PARP4: variants seen among roughly 807,000 people sequenced by gnomAD.
PARP4 encodes poly(ADP-ribose) polymerase family member 4.
PARP4 carries 120 observed loss-of-function variants against 187.7 expected under a neutral mutation model. The ratio of observed to expected loss-of-function variants is 0.64; its 90% CI spans 0.55 to 0.74. The LOEUF is 0.74. PARP4 is among the 30% of genes least tolerant of loss of function. The probability of loss-of-function intolerance (pLI) is 0.00; values close to 1 mark genes in which losing one functional copy is unlikely to be tolerated. For synonymous variants in PARP4, 654 were observed against 740.9 expected (o/e 0.88, Z 1.90); for missense variants, 1,836 against 2,070.5 (o/e 0.89, Z 2.20).
rs189229990 is a variant in PARP4 at position 24,468,260 on chromosome 13, G to A, written c.2133+764C>T. The stretch of plus-strand genomic sequence containing the variant: ...CTATTCCCTCTTCCACACTGTCCAC[G>A]TCACGTCCCTGCTAAAGCTAATCAC... On this transcript the variant is annotated intron_variant, in intron 17 of 33. Coordinates refer to ENST00000381989, the MANE Select transcript of PARP4 (RefSeq NM_006437.4). Among the ~76,000 whole-genome samples the A allele has an allele frequency of 1.9e-3, 285 of 152,250 alleles. 1 individual carries two copies. The highest frequency in any genetic ancestry group is 0.018 in the South Asian group (88 of 4,818).
At chr13:24,493,337 T>C (rs1868767487) in intron 8 of PARP4, among the ~76,000 whole-genome samples, 1 of 152,210 alleles carries the variant, frequency 6.6e-6, no homozygotes, top group African/African-American at 2.4e-5. Flanking sequence ...TCAGGCCTCC[T>C]AATTGGCCAG....
intron 27 of PARP4, among the ~76,000 whole-genome samples, chr13:24,444,527 C>T (rs1386049606): frequency 6.6e-6 from 1 of 152,124 alleles, no homozygotes; most frequent in East Asian, 1.9e-4. Context: ...AATGATTTAT[C>T]TGGTTATACT....
intron 11 of PARP4, among the ~76,000 whole-genome samples, chr13:24,485,805 A>G (rs1464836750): frequency 1.3e-5 from 2 of 152,252 alleles, no homozygotes; most frequent in East Asian, 3.8e-4. Context: ...TACAGTCTTC[A>G]AGAAGCAATT....
chr13:24,433,239 C>T (rs1870440130), intron 31 of PARP4, among the ~76,000 whole-genome samples: 1 of 152,140 alleles, frequency 6.6e-6, no homozygotes, highest in Non-Finnish European at 1.5e-5. Context: ...CTTAATGCAA[C>T]GTGTCCTTTT....
rs142749081 is a variant in PARP4, at chr13:24,486,307, T to C, written c.1215-2A>G. On this transcript the variant is annotated splice_acceptor_variant, in intron 10 of 33. Coordinates refer to ENST00000381989, the MANE Select transcript of PARP4 (RefSeq NM_006437.4). LOFTEE classifies it high-confidence loss of function. ...TGCAAGACATCCACTGGGCTCTTAC[T>C]GTAAGAATTAGAAGAAAAGCCTTTA... The C allele has an allele frequency of 7.9e-5, 124 of 1,568,036 alleles. No homozygotes were observed. The highest frequency in any genetic ancestry group is 1.0e-4 in the Non-Finnish European group (114 of 1,143,410).
At chr13:24,497,147 C>T (rs1351955068) in intron 6 of PARP4, among the ~76,000 whole-genome samples, 3 of 152,154 alleles carry the variant, frequency 2.0e-5, no homozygotes, top group Admixed American at 6.5e-5. Flanking sequence ...ATTTTTGTTT[C>T]ATGATTGTTT....
Position 24,442,575 on chromosome 13 carries a change from AC to A in PARP4, c.3543+14del. 1 of 1,317,172 alleles carries A rather than the reference AC, an allele frequency of 7.6e-7. No individual in the cohort carries two copies. The highest frequency in any genetic ancestry group is 1.1e-6 in the Non-Finnish European group (1 of 915,856). The allele number at this position is 1,317,172 out of a possible 1,614,324, so 81.6% of individuals were successfully genotyped here. A position where few individuals can be genotyped will look rare whatever the true frequency, so the allele number is the denominator to read the frequency against. ...AAATAAAATAATTTAACCTCGAATT[AC>A]CAATAATACATACCCTTTTCTCAAC... is the stretch of plus-strand genomic sequence containing the variant. On this transcript the variant is annotated intron_variant, in intron 29 of 33. Transcript: ENST00000381989.
Position 24,421,290 on chromosome 13 carries a change from T to C in PARP4, c.5004A>G (p.Ala1668=). The change falls in exon 34 of 34, where the codon GCA becomes GCG. Residue 1668 remains alanine, a synonymous_variant. Coordinates refer to ENST00000381989, the MANE Select transcript of PARP4 (RefSeq NM_006437.4). ...ISRNIPWAFE[A]IKQASEWVRR... ...TTACCCATTCACTTGCTTGCTTTATTGCCTCAAAAGCCCAGGGAATATTCC... is the reference window on the plus strand; with the variant it reads ...TTACCCATTCACTTGCTTGCTTTATCGCCTCAAAAGCCCAGGGAATATTCC... 2.3e-6 allele frequency: 3 copies of C among 1,317,658 alleles called. No homozygotes were observed. Among genetic ancestry groups the C allele is most frequent in the Non-Finnish European group, 3.1e-6 (3 of 981,956 alleles). 81.6% of individuals were successfully genotyped at this position (1,317,658 alleles called of 1,614,324 possible). A position where few individuals can be genotyped will look rare whatever the true frequency, so the allele number is the denominator to read the frequency against.
intron 12 of PARP4, among the ~76,000 whole-genome samples, chr13:24,483,916 T>C (rs1296606146): frequency 6.6e-6 from 1 of 152,190 alleles, no homozygotes; most frequent in Non-Finnish European, 1.5e-5. Context: ...CATGAGCTAC[T>C]GCGCCTGGCC....
intron 12 of PARP4, among the ~76,000 whole-genome samples, chr13:24,478,738 T>C (rs1873114061): frequency 6.6e-6 from 1 of 152,172 alleles, no homozygotes; most frequent in Non-Finnish European, 1.5e-5. Context: ...CTGGCCTATT[T>C]CGCATTTCTA....
intron 3 of PARP4, among the ~76,000 whole-genome samples, chr13:24,500,843 A>G (rs1287565562): frequency 3.3e-5 from 5 of 152,234 alleles, no homozygotes; most frequent in Admixed American, 3.3e-4. Flanking sequence ...GATATACAGG[A>G]ATAACTCAAT....
intron 18 of PARP4, among the ~76,000 whole-genome samples, 165 bp downstream of exon 18, chr13:24,459,807 C>A (rs1037755746): frequency 6.6e-5 from 10 of 152,116 alleles, no homozygotes; most frequent in African/African-American, 2.4e-4. Flanking sequence ...TTATTCTTTT[C>A]ATTTTATACA....
chr13:24,438,453 G>A (rs746161645), intron 30 of PARP4, among the ~76,000 whole-genome samples: 12 of 152,218 alleles, frequency 7.9e-5, no homozygotes, highest in South Asian at 2.1e-4. Flanking sequence ...AAGGAACAGC[G>A]TGGGCTCTGG....
At chr13:24,429,615 A>G (rs1383097646) in intron 32 of PARP4, among the ~76,000 whole-genome samples, 2 of 152,180 alleles carry the variant, frequency 1.3e-5, no homozygotes, top group African/African-American at 4.8e-5. Flanking sequence ...AGATATTTAT[A>G]AAGTCTCTCT....
intron 33 of PARP4, among the ~76,000 whole-genome samples, chr13:24,422,334 G>T (rs1869788955): frequency 6.6e-6 from 1 of 152,182 alleles, no homozygotes; most frequent in African/African-American, 2.4e-5. Context: ...AAATCATGAT[G>T]AACATACTAA....
chr13:24,439,963 G>T (rs1870834499), intron 30 of PARP4, among the ~76,000 whole-genome samples: 1 of 152,208 alleles, frequency 6.6e-6, no homozygotes, highest in Non-Finnish European at 1.5e-5. Context: ...CTGCCTGTGG[G>T]TGAGCCTACG....
chr13:24,436,961 T>TA (rs1434070746), intron 30 of PARP4, among the ~76,000 whole-genome samples: 1 of 152,166 alleles, frequency 6.6e-6, no homozygotes, highest in African/African-American at 2.4e-5. Flanking sequence ...TTTTAAAAAT[T>TA]AGAGAAGCAA....
intron 12 of PARP4, among the ~76,000 whole-genome samples, chr13:24,478,740 G>T (rs6490938): frequency 6.6e-6 from 1 of 151,924 alleles, no homozygotes; most frequent in South Asian, 2.1e-4. Flanking sequence ...GGCCTATTTC[G>T]CATTTCTATG....
intron 30 of PARP4, among the ~76,000 whole-genome samples, chr13:24,440,407 AAAAATT>A (rs1488051814): frequency 1.8e-5 from 2 of 108,126 alleles, no homozygotes; most frequent in African/African-American, 6.8e-5. Context: ...CAAAAAAAAA[AAAAATT>A]AAAATTAAAA....
Sources: gnomAD v4.1 joint callset for allele counts (sites outside exome capture counted in the v4.1 genomes callset) on GRCh38, gnomAD v4.1.1 for gene constraint, MANE v1.5 for transcripts, NCBI Gene and HGNC (gene_info 2026-07-23, HGNC 2026-07-21) for gene names.